ZYG11B: variants seen among roughly 807,000 people sequenced by gnomAD.
ZYG11B encodes zyg-11 family member B, cell cycle regulator, also known as protein zyg-11 homolog B.
A neutral mutation model predicts 82.4 loss-of-function variants in ZYG11B; 36 were observed. The observed-to-expected ratio is 0.44, with a 90% CI of 0.33 to 0.58. The LOEUF (loss-of-function observed/expected upper bound fraction) is 0.58, where lower values mean the gene tolerates loss of function less well. Among genes scored for constraint, ZYG11B ranks in the 20% least tolerant of loss-of-function variants. The pLI, the probability that ZYG11B is intolerant of heterozygous loss-of-function variation, is 0.02. For synonymous variants in ZYG11B, 303 were observed against 312.8 expected (o/e 0.97, Z 0.33); for missense variants, 552 against 895.6 (o/e 0.62, Z 4.90).
chr1:52,816,780 C>CT (rs71044423), intron 13 of ZYG11B, 151 bp downstream of exon 13: 8,735 of 261,954 alleles, frequency 0.033, 19 homozygotes, highest in South Asian at 0.046. Context: ...TTAAGGTATT[C>CT]TTTTTTTTTT....
rs1644766409 is a variant in ZYG11B, at chr1:52,772,778, C to T, written c.951+1004C>T. Reference sequence around the variant, plus strand: ...CTGCAAGCTCTGCCTCCCGGGTTCACGCCATTCTTCTGCCTCAGTCCCCTG... The same window carrying T: ...CTGCAAGCTCTGCCTCCCGGGTTCATGCCATTCTTCTGCCTCAGTCCCCTG... On this transcript the variant is annotated intron_variant, in intron 3 of 13. Transcript: ENST00000294353. 5 of 562,016 alleles carry T rather than the reference C, an allele frequency of 8.9e-6. No individual in the cohort carries two copies. In the South Asian group the frequency reaches 1.0e-4, roughly 11 times the overall value. The allele number at this position is 562,016 out of a possible 1,614,324, so 34.8% of individuals were successfully genotyped here.
At chr1:52,743,681 T>C (rs1644453219) in intron 1 of ZYG11B, among the ~76,000 whole-genome samples, 1 of 152,050 alleles carries the variant, frequency 6.6e-6, no homozygotes, top group South Asian at 2.1e-4. Flanking sequence ...CACACTACTG[T>C]ACTCCAGCCT....
chr1:52,746,687 GTTTTTTTTTTTTT>G lies in ZYG11B; in HGVS notation c.31-9756_31-9744del, dbSNP rs11446988. Among the ~76,000 whole-genome samples the G allele has an allele frequency of 3.0e-3, 101 of 33,512 alleles. 2 individuals carry two copies. The highest frequency in any genetic ancestry group is 0.012 in the South Asian group (6 of 496). The allele number at this position is 33,512 out of a possible 152,430, so 22.0% of individuals were successfully genotyped here. A position where few individuals can be genotyped will look rare whatever the true frequency, so the allele number is the denominator to read the frequency against. ...ACCAAAAAAATAAAGATCGGCCACT[GTTTTTTTTTTTTT>G]TTTTTTTTTTTTTTGCGGCTGGAAT... On this transcript the variant is annotated intron_variant, in intron 1 of 13. Coordinates refer to ENST00000294353, the MANE Select transcript of ZYG11B (RefSeq NM_024646.3).
intron 1 of ZYG11B, among the ~76,000 whole-genome samples, chr1:52,743,556 A>T (rs2149922786): frequency 6.6e-6 from 1 of 151,408 alleles, no homozygotes; most frequent in South Asian, 2.1e-4. Flanking sequence ...TACCAAAAAT[A>T]AAAAAAAATT....
intron 6 of ZYG11B, among the ~76,000 whole-genome samples, chr1:52,790,621 T>C (rs1217775670): frequency 1.4e-5 from 2 of 147,540 alleles, no homozygotes; most frequent in Non-Finnish European, 3.0e-5. Flanking sequence ...CTCGGGAGAC[T>C]GAGGCAGGAG....
intron 10 of ZYG11B, among the ~76,000 whole-genome samples, 188 bp from the exon 11 acceptor site, chr1:52,813,348 A>C (rs1441240867): frequency 6.6e-6 from 1 of 152,134 alleles, no homozygotes; most frequent in African/African-American, 2.4e-5. Flanking sequence ...CAAAACTGCT[A>C]CTTTGTCTTT....
intron 1 of ZYG11B, among the ~76,000 whole-genome samples, chr1:52,730,850 A>G (rs1443602694): frequency 6.6e-6 from 1 of 151,558 alleles, no homozygotes; most frequent in Non-Finnish European, 1.5e-5. Context: ...ATTAAAAAAA[A>G]AAAAAAATAG....
At chr1:52,787,733 A>G (rs1323745086) in intron 5 of ZYG11B, among the ~76,000 whole-genome samples, 3 of 152,202 alleles carry the variant, frequency 2.0e-5, no homozygotes, top group Non-Finnish European at 2.9e-5. Flanking sequence ...TCTTATGCCT[A>G]CATATATTTT....
intron 3 of ZYG11B, among the ~76,000 whole-genome samples, chr1:52,774,137 CTTTTTTT>C (rs71701008): frequency 2.0e-5 from 3 of 147,728 alleles, no homozygotes; most frequent in African/African-American, 7.4e-5. Context: ...TTTACAATAA[CTTTTTTT>C]TTTTTTTTCC....
intron 1 of ZYG11B, among the ~76,000 whole-genome samples, chr1:52,739,716 G>A (rs1433924497): frequency 6.6e-6 from 1 of 151,936 alleles, no homozygotes; most frequent in Admixed American, 6.6e-5. Flanking sequence ...CTGCCTCCCA[G>A]GTTCAAGTGA....
At chr1:52,806,441 G>A (rs1177461489) in intron 10 of ZYG11B, among the ~76,000 whole-genome samples, 1 of 152,152 alleles carries the variant, frequency 6.6e-6, no homozygotes, top group East Asian at 1.9e-4. Flanking sequence ...TGTAATTGTA[G>A]ATGTATGTTT....
chr1:52,767,948 G>A (rs557615979), intron 2 of ZYG11B, among the ~76,000 whole-genome samples: 10 of 152,250 alleles, frequency 6.6e-5, no homozygotes, highest in African/African-American at 2.2e-4. Flanking sequence ...TCGTGGTGGG[G>A]GATAGTTCTT....
intron 2 of ZYG11B, among the ~76,000 whole-genome samples, chr1:52,756,952 G>A (rs1644583241): frequency 6.6e-6 from 1 of 151,466 alleles, no homozygotes; most frequent in East Asian, 1.9e-4. Flanking sequence ...TGTGTAGCTG[G>A]GACCACAGGC....
chr1:52,806,021 C>G (rs56832940), intron 10 of ZYG11B, among the ~76,000 whole-genome samples: 3 of 151,848 alleles, frequency 2.0e-5, no homozygotes, highest in African/African-American at 7.3e-5. Flanking sequence ...ATTAATATAA[C>G]TTTATATGTT....
Position 52,783,836 on chromosome 1 carries a change from GTATA to G in ZYG11B, c.1093-1039_1093-1036del, listed in dbSNP as rs1558132595. On this transcript the variant is annotated intron_variant, in intron 4 of 13. Coordinates refer to ENST00000294353, the MANE Select transcript of ZYG11B (RefSeq NM_024646.3). ...CACACGTATATGTATACATACGTGT[GTATA>G]TGTACATACACGTGTGTGTGTATGT... Among the ~76,000 whole-genome samples the G allele has an allele frequency of 4.1e-5, 6 of 146,926 alleles. 1 individual carries two copies. The highest frequency in any genetic ancestry group is 1.3e-4 in the African/African-American group (5 of 37,980).
chr1:52,786,133 G>C (rs1204817607), intron 5 of ZYG11B, among the ~76,000 whole-genome samples: 1 of 152,218 alleles, frequency 6.6e-6, no homozygotes, highest in Non-Finnish European at 1.5e-5. Context: ...TTATTTTAGA[G>C]AGGATCAATA....
chr1:52,795,185 C>T (rs907067756), intron 6 of ZYG11B, among the ~76,000 whole-genome samples: 14 of 152,158 alleles, frequency 9.2e-5, no homozygotes, highest in Middle Eastern at 3.4e-3. Flanking sequence ...CACCATCCCC[C>T]GAGTGCTGTC....
chr1:52,779,305 A>G (rs1644835729), intron 3 of ZYG11B, among the ~76,000 whole-genome samples: 1 of 152,164 alleles, frequency 6.6e-6, no homozygotes, highest in South Asian at 2.1e-4. Flanking sequence ...CTTGAGATCT[A>G]TTTTAGGTAT....
intron 3 of ZYG11B, among the ~76,000 whole-genome samples, chr1:52,773,627 ATTTTTTTTTTTTT>A (rs560456264): frequency 6.8e-5 from 2 of 29,224 alleles, no homozygotes; most frequent in African/African-American, 1.8e-4. Context: ...ATATATATAT[ATTTTTTTTTTTTT>A]TTTTTTTTTT....
Sources: allele counts gnomAD v4.1 joint callset (sites outside exome capture counted in the v4.1 genomes callset), GRCh38; gene constraint gnomAD v4.1.1; transcripts MANE v1.5; gene names NCBI Gene and HGNC (gene_info 2026-07-23, HGNC 2026-07-21).